Variants in GRM5 observed in about 807,000 individuals in gnomAD.
GRM5 encodes the protein glutamate metabotropic receptor 5.
In GRM5, 19 loss-of-function variants were observed where a neutral mutation model predicts 83.1. The ratio of observed to expected loss-of-function variants is 0.23; its 90% CI spans 0.16 to 0.34. GRM5 has a LOEUF of 0.34. Among genes scored for constraint, GRM5 ranks in the 10% least tolerant of loss-of-function variants. The probability of loss-of-function intolerance (pLI) is 1.00; values close to 1 mark genes in which losing one functional copy is unlikely to be tolerated. For missense variants in GRM5, 1,160 were observed against 1,588.3 expected, an observed-to-expected ratio of 0.73 and a Z score of 4.58; for synonymous variants, 675 against 633.6, an observed-to-expected ratio of 1.07 and a Z score of -0.98.
chr11:89,010,626 A>T (rs1940667364), intron 2 of GRM5, among the ~76,000 whole-genome samples: 1 of 151,836 alleles, frequency 6.6e-6, no homozygotes, highest in Non-Finnish European at 1.5e-5. Flanking sequence ...AATTATAGAC[A>T]ACATGTTATT....
At chr11:88,783,374 T>C (rs918931279) in intron 3 of GRM5, among the ~76,000 whole-genome samples, 1 of 152,228 alleles carries the variant, frequency 6.6e-6, no homozygotes, top group East Asian at 1.9e-4. Flanking sequence ...TGAAATAATA[T>C]TTTATCACTC....
intron 2 of GRM5, among the ~76,000 whole-genome samples, chr11:89,019,326 T>A (rs1408625068): frequency 6.6e-6 from 1 of 152,178 alleles, no homozygotes; most frequent in Non-Finnish European, 1.5e-5. Context: ...CTTGATCACC[T>A]GGTATTAGTG....
intron 2 of GRM5, among the ~76,000 whole-genome samples, chr11:88,908,645 A>G (rs1208162566): frequency 6.6e-6 from 1 of 152,168 alleles, no homozygotes; most frequent in South Asian, 2.1e-4. Context: ...CCTTATTTTA[A>G]CAAAGTATCT....
At chr11:89,028,562 C>G (rs1478118483) in intron 2 of GRM5, among the ~76,000 whole-genome samples, 1 of 152,196 alleles carries the variant, frequency 6.6e-6, no homozygotes, top group Non-Finnish European at 1.5e-5. Context: ...TGCAACTGTA[C>G]TCAGCCTGAG....
chr11:89,047,779 G>A lies in GRM5; in HGVS notation c.94C>T (p.Pro32Ser), dbSNP rs200353980. 3.7e-6 allele frequency: 6 copies of A among 1,613,778 alleles called. No homozygotes were observed. The African/African-American group carries it at 4.0e-5, about 11-fold the overall frequency. ...SSERRVVAHM[P>S]GDIIIGALFS... ...AGAGCTCCAATAATGATGTCACCCG[G>A]CATGTGAGCCACCACCCTCCTCTCA... is the stretch of plus-strand genomic sequence containing the variant. The change falls in exon 2 of 10, where the codon CCG becomes TCG. Residue 32 changes from proline to serine, a missense_variant. Physicochemically the swap from Pro to Ser is moderately conservative, Grantham distance 74. This residue lies in a region of GRM5 where 71 missense variants were observed against 145.8 expected (regional missense o/e 0.49). Transcript: ENST00000305447. This position sits in a 1 kb window ranked among gnomAD's most constrained non-coding sequence, Gnocchi z 5.1.
chr11:88,842,206 T>TA (rs1164464001), intron 3 of GRM5, among the ~76,000 whole-genome samples: 3 of 152,098 alleles, frequency 2.0e-5, no homozygotes, highest in Admixed American at 6.5e-5. Flanking sequence ...TTCTTATTTT[T>TA]AAAAAAATAT....
At chr11:88,810,093 T>A (rs1943563704) in intron 3 of GRM5, among the ~76,000 whole-genome samples, 1 of 151,986 alleles carries the variant, frequency 6.6e-6, no homozygotes, top group Non-Finnish European at 1.5e-5. Flanking sequence ...TGATTATGCA[T>A]CTAATATGAT....
At chr11:88,678,959 T>C (rs1940407320) in intron 3 of GRM5, among the ~76,000 whole-genome samples, 1 of 151,810 alleles carries the variant, frequency 6.6e-6, no homozygotes, top group Non-Finnish European at 1.5e-5. Flanking sequence ...AGGAGGATAG[T>C]GGCAAAAGAC....
intron 2 of GRM5, among the ~76,000 whole-genome samples, chr11:88,861,459 ATTG>A (rs35102713): frequency 1.3e-5 from 2 of 150,976 alleles, no homozygotes; most frequent in Non-Finnish European, 2.9e-5. Flanking sequence ...TTAAGTTTTT[ATTG>A]TTGTTGTTGT....
intron 4 of GRM5, among the ~76,000 whole-genome samples, chr11:88,639,087 T>C (rs1407583486): frequency 3.9e-5 from 6 of 152,178 alleles, no homozygotes; most frequent in Non-Finnish European, 5.9e-5. Context: ...TTTTCCCTAA[T>C]ATTTAATGCT....
At position 88,594,539 on chromosome 11, in the gene GRM5, T is replaced by TG. The variant is rs1452832813; in HGVS notation, c.1563+2644dup. On this transcript the variant is annotated intron_variant, in intron 6 of 9. Transcript: ENST00000305447. ...CAGGTAGTAGGTCAGATTTAGTCTG[T>TG]GGGCCATAGTTTACCAGCTGTTGCT... is the stretch of plus-strand genomic sequence containing the variant. Among the ~76,000 whole-genome samples the TG allele has an allele frequency of 9.2e-5, 14 of 152,336 alleles. 1 individual carries two copies. The highest frequency in any genetic ancestry group is 3.4e-3 in the Middle Eastern group (1 of 294).
chr11:88,709,677 C>G (rs531306781), intron 3 of GRM5, among the ~76,000 whole-genome samples: 1 of 152,216 alleles, frequency 6.6e-6, no homozygotes, highest in East Asian at 1.9e-4. Flanking sequence ...TTTGCCTGGA[C>G]TCACCCTAAG....
At chr11:88,810,338 G>T (rs972171409) in intron 3 of GRM5, among the ~76,000 whole-genome samples, 1 of 152,046 alleles carries the variant, frequency 6.6e-6, no homozygotes, top group Admixed American at 6.6e-5. Context: ...AGGAATAAAA[G>T]AGGATTAGTC....
At chr11:88,709,839 T>A (rs1941244073) in intron 3 of GRM5, among the ~76,000 whole-genome samples, 2 of 152,096 alleles carry the variant, frequency 1.3e-5, no homozygotes, top group South Asian at 4.1e-4. Flanking sequence ...TTCACAAACA[T>A]GCACTGAACA....
At chr11:88,598,481 G>T (rs1937883953) in intron 5 of GRM5, among the ~76,000 whole-genome samples, 1 of 150,114 alleles carries the variant, frequency 6.7e-6, no homozygotes, top group African/African-American at 2.5e-5. Flanking sequence ...TTGTTTTGTT[G>T]GTTGTTCAGT....
At chr11:88,927,507 T>C (rs1945810093) in intron 2 of GRM5, among the ~76,000 whole-genome samples, 1 of 152,130 alleles carries the variant, frequency 6.6e-6, no homozygotes, top group Non-Finnish European at 1.5e-5. Flanking sequence ...TAAATAAACA[T>C]TTTCTACCAC....
chr11:88,607,472 C>T (rs913069537), intron 4 of GRM5, among the ~76,000 whole-genome samples: 3 of 152,144 alleles, frequency 2.0e-5, no homozygotes, highest in African/African-American at 7.2e-5. Context: ...CTGCTTTCTC[C>T]TTTTGCCCAT....
At chr11:89,014,193 C>T (rs769188409) in intron 2 of GRM5, among the ~76,000 whole-genome samples, 35 of 152,048 alleles carry the variant, frequency 2.3e-4, no homozygotes, top group Non-Finnish European at 4.1e-4. Flanking sequence ...AGGTATCTTC[C>T]CTTTTCTTTT....
intron 2 of GRM5, among the ~76,000 whole-genome samples, chr11:88,944,219 A>G (rs1471083644): frequency 6.6e-6 from 1 of 151,946 alleles, no homozygotes; most frequent in African/African-American, 2.4e-5. Flanking sequence ...AAATAGAGAG[A>G]AGCCAGATTA....
Sources: gnomAD v4.1 joint callset for allele counts (sites outside exome capture counted in the v4.1 genomes callset) on GRCh38, gnomAD v4.1.1 for gene constraint, gnomAD v4.1.1 regional missense constraint, Gnocchi (gnomAD v3.1) non-coding constraint, MANE v1.5 for transcripts, NCBI Gene and HGNC (gene_info 2026-07-23, HGNC 2026-07-21) for gene names.